LINGO2: variants seen among roughly 807,000 people sequenced by gnomAD.
The protein encoded by LINGO2 is leucine-rich repeat and immunoglobulin-like domain-containing nogo receptor-interacting protein 2.
A neutral mutation model predicts 30.6 loss-of-function variants in LINGO2; 14 were observed. That is an observed-to-expected ratio of 0.46 (90% CI 0.30 to 0.72). LINGO2 has a LOEUF of 0.72. Ranked by LOEUF, LINGO2 falls within the 30% of genes least tolerant of loss-of-function variation. LINGO2 has a pLI of 0.07. For synonymous variants in LINGO2, 317 were observed against 288.5 expected (o/e 1.10, Z -1.00); for missense variants, 729 against 751.7 (o/e 0.97, Z 0.35).
intron 3 of LINGO2, among the ~76,000 whole-genome samples, chr9:28,327,490 A>G (rs1260476738): frequency 6.6e-6 from 1 of 152,334 alleles, no homozygotes; most frequent in African/African-American, 2.4e-5. Flanking sequence ...ATTTTTATCT[A>G]CTTCTAAGCT....
At chr9:28,205,023 T>C (rs1820362664) in intron 4 of LINGO2, among the ~76,000 whole-genome samples, 1 of 152,178 alleles carries the variant, frequency 6.6e-6, no homozygotes, top group Non-Finnish European at 1.5e-5. Context: ...GGTCTTCATA[T>C]GTGACTATTC....
At chr9:28,003,424 G>A (rs1305253910) in intron 5 of LINGO2, among the ~76,000 whole-genome samples, 2 of 152,014 alleles carry the variant, frequency 1.3e-5, no homozygotes, top group Non-Finnish European at 2.9e-5. Context: ...ATTTATTTCA[G>A]TGTTTACTAT....
chr9:28,888,790 T>A, the LINGO2 span: 1 of 496,624 alleles, frequency 2.0e-6, no homozygotes, highest in Non-Finnish European at 4.2e-6. Flanking sequence ...CTTAAACTTA[T>A]ACTCAGAACT....
the LINGO2 span, among the ~76,000 whole-genome samples, chr9:29,185,984 T>C: frequency 6.6e-6 from 1 of 152,198 alleles, no homozygotes; most frequent in East Asian, 1.9e-4. Flanking sequence ...TGTATGTTCA[T>C]CTTCATTAGC....
In LINGO2 at chr9:28,148,755, C is replaced by G; in HGVS notation, c.-86-136350G>C. ...ATCCTTCCCTTTGGGAAGCCTGACC[C>G]ACTTCCAACAGTGCTCCCTGCCCCA... On this transcript the variant is annotated intron_variant, in intron 4 of 5. Transcript: ENST00000379992. The surrounding 1 kb of genome is among the most constrained non-coding windows in gnomAD (Gnocchi z 5.1). 6.5e-6 allele frequency: 10 copies of G among 1,534,028 alleles called. No homozygotes were observed. The highest frequency in any genetic ancestry group is 8.7e-6 in the Non-Finnish European group (10 of 1,146,548).
chr9:28,391,604 CGTGTGT>C (rs35676869), intron 2 of LINGO2, among the ~76,000 whole-genome samples: 12,503 of 147,762 alleles, frequency 0.085, 700 homozygotes, highest in Admixed American at 0.15. Context: ...TTTATGTTTG[CGTGTGT>C]GTGTGTGTGT....
chr9:28,188,886 A>G (rs1426211427), intron 4 of LINGO2, among the ~76,000 whole-genome samples: 1 of 152,196 alleles, frequency 6.6e-6, no homozygotes, highest in Admixed American at 6.6e-5. Context: ...AGGACTTTAA[A>G]ACTGATTTTG....
the LINGO2 span, among the ~76,000 whole-genome samples, chr9:29,170,100 G>C: frequency 6.6e-6 from 1 of 152,042 alleles, no homozygotes; most frequent in Admixed American, 6.6e-5. Flanking sequence ...CTACTACTGG[G>C]TACCTACCCA....
At chr9:28,875,294 A>C in the LINGO2 span, among the ~76,000 whole-genome samples, 1 of 151,984 alleles carries the variant, frequency 6.6e-6, no homozygotes, top group African/African-American at 2.4e-5. Context: ...TCTCTTTCTG[A>C]ATATGTGCGT....
the LINGO2 span, among the ~76,000 whole-genome samples, chr9:28,985,631 T>G: frequency 2.0e-5 from 3 of 152,158 alleles, no homozygotes; most frequent in Non-Finnish European, 4.4e-5. Context: ...GAGCATTTTC[T>G]CATATATATG....
chr9:29,151,573 C>A, the LINGO2 span, among the ~76,000 whole-genome samples: 1 of 151,656 alleles, frequency 6.6e-6, no homozygotes, highest in Non-Finnish European at 1.5e-5. Context: ...ATCTACCATG[C>A]AAACAGCAAA....
the LINGO2 span, among the ~76,000 whole-genome samples, chr9:29,189,998 C>T: frequency 1.7e-4 from 20 of 119,458 alleles, 1 homozygote; most frequent in South Asian, 1.8e-3. Context: ...AGAGGGAGAC[C>T]GTGGAAAGAG....
At chr9:28,206,206 T>G (rs1455280260) in intron 4 of LINGO2, among the ~76,000 whole-genome samples, 1 of 143,840 alleles carries the variant, frequency 7.0e-6, no homozygotes, top group African/African-American at 2.6e-5. Context: ...AAGGAAGAAA[T>G]TATATCTCAG....
the LINGO2 span, among the ~76,000 whole-genome samples, chr9:29,065,124 T>C: frequency 2.0e-5 from 3 of 152,088 alleles, no homozygotes; most frequent in Non-Finnish European, 4.4e-5. Flanking sequence ...CTACACAATG[T>C]CAGTCAACAG....
chr9:28,007,260 C>T (rs1008509790), intron 5 of LINGO2, among the ~76,000 whole-genome samples: 13 of 151,994 alleles, frequency 8.6e-5, no homozygotes, highest in African/African-American at 3.1e-4. Flanking sequence ...TGGCGCCAAA[C>T]CCAGGAAATA....
chr9:27,992,190 C>A (rs1352621949), intron 5 of LINGO2, among the ~76,000 whole-genome samples: 1 of 143,318 alleles, frequency 7.0e-6, no homozygotes, highest in Non-Finnish European at 1.5e-5. Flanking sequence ...TTTGCCCTAA[C>A]CTGTCACTGA....
At chr9:29,028,263 G>C in the LINGO2 span, among the ~76,000 whole-genome samples, 51,199 of 151,904 alleles carry the variant, frequency 0.34, 8,868 homozygotes, top group East Asian at 0.48. Flanking sequence ...ATCAATATTA[G>C]AGGATTCTCA....
Position 28,482,305 on chromosome 9 carries a change from T to C in LINGO2, c.-364-6280A>G, listed in dbSNP as rs551432953. On this transcript the variant is annotated intron_variant, in intron 1 of 5. Transcript: ENST00000379992. ...CACCTGTTGTTTCCTGACTTTTTAA[T>C]GATCGCCATTCTAACTGCTGTGAGA... Among the ~76,000 whole-genome samples the C allele has an allele frequency of 9.2e-5, 14 of 152,244 alleles. No individual in the cohort carries two copies. In the East Asian group the frequency reaches 2.7e-3, roughly 29 times the overall value.
chr9:28,937,498 A>C, the LINGO2 span, among the ~76,000 whole-genome samples: 1 of 152,214 alleles, frequency 6.6e-6, no homozygotes, highest in Non-Finnish European at 1.5e-5. Flanking sequence ...TTAGATCTGA[A>C]GGTTCCAGAG....
Sources: gnomAD v4.1 joint callset for allele counts (sites outside exome capture counted in the v4.1 genomes callset) on GRCh38, gnomAD v4.1.1 for gene constraint, Gnocchi (gnomAD v3.1) non-coding constraint, MANE v1.5 for transcripts, NCBI Gene and HGNC (gene_info 2026-07-23, HGNC 2026-07-21) for gene names.